The following C1orf53 variants were observed in gnomAD, a reference collection of about 807,000 sequenced individuals.
C1orf53 encodes the protein uncharacterized protein C1orf53.
C1orf53 carries 23 observed loss-of-function variants against 17.5 expected under a neutral mutation model. That is an observed-to-expected ratio of 1.31 (90% CI 0.94 to 1.86). The LOEUF (loss-of-function observed/expected upper bound fraction) is 1.86. C1orf53 is among the 40% of genes most tolerant of loss of function. C1orf53 has a pLI of 0.00. For synonymous variants in C1orf53, 108 were observed against 81.9 expected (o/e 1.32, Z -1.72); for missense variants, 255 against 193.2 (o/e 1.32, Z -1.89).
In C1orf53 at chr1:197,902,641, G is replaced by C. The variant is rs187866458; in HGVS notation, c.-9G>C. 5 of 1,416,252 alleles carry C rather than the reference G, an allele frequency of 3.5e-6. No individual in the cohort carries two copies. Among genetic ancestry groups the C allele is most frequent in the Non-Finnish European group, 4.6e-6 (5 of 1,090,786 alleles). The allele number at this position is 1,416,252 out of a possible 1,614,324, so 87.7% of individuals were successfully genotyped here. A position where few individuals can be genotyped will look rare whatever the true frequency, so the allele number is the denominator to read the frequency against. Reference sequence around the variant, plus strand: ...GCCGGGTGCTCCGCCTCCCAAGGCCGGCGGCGGCATGGCGGCCAGGCAGAT... The same window carrying C: ...GCCGGGTGCTCCGCCTCCCAAGGCCCGCGGCGGCATGGCGGCCAGGCAGAT... On this transcript the variant is annotated 5_prime_UTR_variant, in exon 1 of 3. Transcript: ENST00000367393.
chr1:197,905,738 G>A (rs1659512669), intron 1 of C1orf53, 58 bp from the exon 2 acceptor site: 1 of 1,165,600 alleles, frequency 8.6e-7, no homozygotes, highest in Admixed American at 1.7e-5. Flanking sequence ...AGACATTATG[G>A]TGAAGAGATA....
At chr1:197,904,782 A>G (rs1659494474) in intron 1 of C1orf53, among the ~76,000 whole-genome samples, 1 of 152,244 alleles carries the variant, frequency 6.6e-6, no homozygotes, top group Non-Finnish European at 1.5e-5. Context: ...CTCATGAAAC[A>G]TATTGGGTTA....
intron 1 of C1orf53, 116 bp downstream of exon 1, chr1:197,903,029 A>G (rs1043050254): frequency 1.0e-6 from 1 of 1,001,472 alleles, no homozygotes; most frequent in Non-Finnish European, 1.3e-6. Context: ...AGGTTGCTGG[A>G]TACCGGTGCG....
At chr1:197,903,053 C>G in intron 1 of C1orf53, 140 bp downstream of exon 1, 2 of 756,978 alleles carry the variant, frequency 2.6e-6, no homozygotes, top group Non-Finnish European at 3.7e-6. Context: ...CTGCCTCGGG[C>G]GACATTCGCG....
chr1:197,904,266 A>G (rs1458921498), intron 1 of C1orf53, among the ~76,000 whole-genome samples: 1 of 152,110 alleles, frequency 6.6e-6, no homozygotes, highest in Non-Finnish European at 1.5e-5. Context: ...AACTGTCAGC[A>G]CCCTTGCTTC....
intron 1 of C1orf53, among the ~76,000 whole-genome samples, chr1:197,903,343 A>G (rs1214031953): frequency 6.6e-6 from 1 of 152,226 alleles, no homozygotes; most frequent in Non-Finnish European, 1.5e-5. Flanking sequence ...TCTTAGAGTG[A>G]GAAAAAAAGA....
At position 197,905,882 on chromosome 1, in the gene C1orf53, C is replaced by T. The variant is rs775964919; in HGVS notation, c.351C>T (p.Gly117=). The T allele has an allele frequency of 1.6e-5, 26 of 1,613,416 alleles. No homozygotes were observed. Among genetic ancestry groups the T allele is most frequent in the Non-Finnish European group, 2.2e-5 (26 of 1,179,400 alleles). The change falls in exon 2 of 3, where the codon GGC becomes GGT. Residue 117 remains glycine, a synonymous_variant. Coordinates refer to ENST00000367393, the MANE Select transcript of C1orf53 (RefSeq NM_001024594.3). ...ACTTGCAAAGAGGTGAATGTTGTGG[C>T]TCTGCGTGCAGACATGTGAGTAGCA... is the stretch of plus-strand genomic sequence containing the variant. ...IAHLQRGECC[G]SACRHCPYGQ...
intron 1 of C1orf53, among the ~76,000 whole-genome samples, chr1:197,904,484 G>C (rs759694130): frequency 3.9e-5 from 6 of 152,196 alleles, no homozygotes; most frequent in Admixed American, 1.3e-4. Flanking sequence ...AAAGAAGCCT[G>C]CTACAGAGTT....
intron 1 of C1orf53, 95 bp from the exon 2 acceptor site, chr1:197,905,701 A>C (rs1571767690): frequency 1.1e-6 from 1 of 874,656 alleles, no homozygotes; most frequent in East Asian, 2.5e-5. Context: ...AATATTGTTT[A>C]AAATTTTTCT....
At chr1:197,905,644 T>C (rs1416983622) in intron 1 of C1orf53, 152 bp from the exon 2 acceptor site, 2 of 600,696 alleles carry the variant, frequency 3.3e-6, no homozygotes, top group Non-Finnish European at 5.9e-6. Flanking sequence ...CTGGAGTGCA[T>C]TTGGTCTTTA....
chr1:197,902,695 A>T lies in C1orf53; in HGVS notation c.46A>T (p.Arg16Trp). ...IWARTGAALCRQPSAAPPPAP... is the reference protein window; with the variant it reads ...IWARTGAALCWQPSAAPPPAP... ...GGCACGGACGGGTGCCGCGCTCTGC[A>T]GGCAACCTTCCGCCGCCCCGCCGCC... is the stretch of plus-strand genomic sequence containing the variant. The change falls in exon 1 of 3, where the codon AGG becomes TGG. Residue 16 changes from arginine (R) to tryptophan (W), a missense_variant. Physicochemically the swap from Arg to Trp is moderately radical, Grantham distance 101 (BLOSUM62 -3). Transcript: ENST00000367393. The T allele has an allele frequency of 6.6e-7, 1 of 1,514,982 alleles. No homozygotes were observed. Among genetic ancestry groups the T allele is most frequent in the South Asian group, 1.2e-5 (1 of 81,218 alleles). 93.8% of individuals were successfully genotyped at this position (1,514,982 alleles called of 1,614,324 possible). A position where few individuals can be genotyped will look rare whatever the true frequency, so the allele number is the denominator to read the frequency against.
chr1:197,906,224 G>A (rs1191296189), intron 2 of C1orf53, among the ~76,000 whole-genome samples: 1 of 152,190 alleles, frequency 6.6e-6, no homozygotes, highest in African/African-American at 2.4e-5. Context: ...GGCAGGAAAA[G>A]AAATCTAGAA....
chr1:197,905,074 G>A (rs966019107), intron 1 of C1orf53, among the ~76,000 whole-genome samples: 4 of 152,128 alleles, frequency 2.6e-5, no homozygotes, highest in African/African-American at 7.2e-5. Context: ...TTCCCACAAA[G>A]TACTTGAGAC....
In C1orf53 at chr1:197,903,845, A is replaced by G. The variant is rs535232678; in HGVS notation, c.264+932A>G. Among the ~76,000 whole-genome samples the G allele has an allele frequency of 9.2e-5, 14 of 152,342 alleles. No homozygotes were observed. The South Asian group carries it at 2.5e-3, about 27-fold the overall frequency. On this transcript the variant is annotated intron_variant, in intron 1 of 2. Coordinates refer to ENST00000367393, the MANE Select transcript of C1orf53 (RefSeq NM_001024594.3). Reference sequence around the variant, plus strand: ...TGAAACTGAATAAAGACTCATTAGGAAGTGACTGGCAGCTTTTGATTGTTC... The same window carrying G: ...TGAAACTGAATAAAGACTCATTAGGGAGTGACTGGCAGCTTTTGATTGTTC...
intron 1 of C1orf53, among the ~76,000 whole-genome samples, chr1:197,904,559 G>C (rs1659491504): frequency 6.6e-6 from 1 of 152,154 alleles, no homozygotes; most frequent in Non-Finnish European, 1.5e-5. Context: ...ATAAAGAAGT[G>C]AGGCCCTGAC....
rs771438336 is a variant in C1orf53, at chr1:197,902,645, G to A, written c.-5G>A. On this transcript the variant is annotated 5_prime_UTR_variant, in exon 1 of 3. Coordinates refer to ENST00000367393, the MANE Select transcript of C1orf53 (RefSeq NM_001024594.3). ...GGTGCTCCGCCTCCCAAGGCCGGCG[G>A]CGGCATGGCGGCCAGGCAGATCTGG... 3.0e-5 allele frequency: 42 copies of A among 1,421,804 alleles called. No homozygotes were observed. The highest frequency in any genetic ancestry group is 3.7e-5 in the Non-Finnish European group (40 of 1,093,576). 88.1% of individuals were successfully genotyped at this position (1,421,804 alleles called of 1,614,324 possible). A position where few individuals can be genotyped will look rare whatever the true frequency, so the allele number is the denominator to read the frequency against.
intron 1 of C1orf53, among the ~76,000 whole-genome samples, chr1:197,903,517 C>T (rs1275662167): frequency 6.6e-6 from 1 of 152,180 alleles, no homozygotes; most frequent in East Asian, 1.9e-4. Flanking sequence ...AAACTTCTCT[C>T]CCTTTACGCC....
intron 1 of C1orf53, 89 bp downstream of exon 1, chr1:197,903,002 C>T (rs147945713): frequency 9.0e-6 from 11 of 1,218,320 alleles, no homozygotes; most frequent in Middle Eastern, 3.0e-4. Context: ...GACCCGGAGG[C>T]CGCCCGGCAG....
rs1364182416 is a variant in C1orf53 at position 197,902,900 on chromosome 1, C to A, written c.251C>A (p.Ala84Asp). The change falls in exon 1 of 3, where the codon GCT becomes GAT. Residue 84 changes from alanine to aspartate, a missense_variant. By Grantham distance (126) the Ala-to-Asp change is moderately radical (BLOSUM62 -2). Coordinates refer to ENST00000367393, the MANE Select transcript of C1orf53 (RefSeq NM_001024594.3). ...AAERQIAELH[A>D]AACAAGQLNY... ...GAGCGACAGATCGCGGAGCTGCACG[C>A]TGCCGCCTGCGCGGTGAGACTCCCT... 4 of 1,476,184 alleles carry A rather than the reference C, an allele frequency of 2.7e-6. No homozygotes were observed. Among genetic ancestry groups the A allele is most frequent in the Non-Finnish European group, 3.6e-6 (4 of 1,117,308 alleles). The allele number at this position is 1,476,184 out of a possible 1,614,324, so 91.4% of individuals were successfully genotyped here. A position where few individuals can be genotyped will look rare whatever the true frequency, so the allele number is the denominator to read the frequency against.
Sources: allele counts gnomAD v4.1 joint callset (sites outside exome capture counted in the v4.1 genomes callset), GRCh38; gene constraint gnomAD v4.1.1; transcripts MANE v1.5; gene names NCBI Gene and HGNC (gene_info 2026-07-23, HGNC 2026-07-21).